Variants in LRRC49 observed in about 807,000 individuals in gnomAD.
The protein encoded by LRRC49 is leucine rich repeat containing 49, also known as leucine-rich repeat-containing protein 49.
LRRC49 carries 50 observed loss-of-function variants against 83.3 expected under a neutral mutation model. The observed-to-expected ratio is 0.60, with a 90% CI of 0.48 to 0.76. The LOEUF (loss-of-function observed/expected upper bound fraction) is 0.76, where lower values mean the gene tolerates loss of function less well. Among genes scored for constraint, LRRC49 ranks in the 30% least tolerant of loss-of-function variants. The pLI, the probability that LRRC49 is intolerant of heterozygous loss-of-function variation, is 0.00. For missense variants in LRRC49, 704 were observed against 809.1 expected (o/e 0.87, Z 1.58); for synonymous variants, 286 against 283.3 (o/e 1.01, Z -0.10).
At chr15:71,015,443 A>G (rs1232009257) in intron 14 of LRRC49, among the ~76,000 whole-genome samples, 1 of 152,168 alleles carries the variant, frequency 6.6e-6, no homozygotes, top group Non-Finnish European at 1.5e-5. Flanking sequence ...TGCAGTTCAC[A>G]ATAGGGTTTG....
intron 8 of LRRC49, among the ~76,000 whole-genome samples, chr15:70,939,977 C>T (rs1415449869): frequency 6.7e-6 from 1 of 150,194 alleles, no homozygotes; most frequent in African/African-American, 2.5e-5. Context: ...TGTGACTTTT[C>T]CTTCATCACT....
chr15:70,996,672 G>A (rs2038083604), intron 11 of LRRC49, among the ~76,000 whole-genome samples: 1 of 152,028 alleles, frequency 6.6e-6, no homozygotes, highest in Non-Finnish European at 1.5e-5. Flanking sequence ...TGCTTTATTG[G>A]TAGCTTTTGT....
At chr15:71,013,577 C>G (rs903177894) in intron 14 of LRRC49, among the ~76,000 whole-genome samples, 2 of 152,120 alleles carry the variant, frequency 1.3e-5, no homozygotes, top group African/African-American at 4.8e-5. Flanking sequence ...AGGGCCTGAG[C>G]CAGGGCAGCA....
chr15:70,898,181 T>A (rs1303177909), intron 3 of LRRC49, among the ~76,000 whole-genome samples: 1 of 152,212 alleles, frequency 6.6e-6, no homozygotes, highest in Non-Finnish European at 1.5e-5. Context: ...TCCAGCCATC[T>A]CTGTATCTAG....
chr15:71,012,990 A>T, intron 14 of LRRC49, 77 bp downstream of exon 14: 1 of 877,710 alleles, frequency 1.1e-6, no homozygotes, highest in Non-Finnish European at 1.8e-6. Context: ...ATACCTCCTA[A>T]CTATGCTAAT....
At chr15:70,901,125 C>G (rs2034058950) in intron 4 of LRRC49, 101 bp downstream of exon 4, 4 of 665,132 alleles carry the variant, frequency 6.0e-6, no homozygotes, top group Non-Finnish European at 7.6e-6. Context: ...TCCTGTTCCC[C>G]AGTTATTCAA....
chr15:71,029,372 C>T (rs1315278240), intron 14 of LRRC49, among the ~76,000 whole-genome samples: 3 of 152,094 alleles, frequency 2.0e-5, no homozygotes, highest in African/African-American at 7.2e-5. Flanking sequence ...AATTTGATTG[C>T]ACTGTGGTGT....
chr15:70,996,480 T>A (rs1459576171), intron 11 of LRRC49, among the ~76,000 whole-genome samples: 1 of 152,186 alleles, frequency 6.6e-6, no homozygotes, highest in African/African-American at 2.4e-5. Context: ...GATTTTCCTT[T>A]TATGTATGTG....
chr15:70,882,921 A>T (rs1164765093), intron 2 of LRRC49: 2 of 1,613,506 alleles, frequency 1.2e-6, no homozygotes, highest in African/African-American at 2.7e-5. Flanking sequence ...AAAAATACAA[A>T]TCAGAGGAGA....
At chr15:70,927,115 A>C (rs1272730854) in intron 7 of LRRC49, among the ~76,000 whole-genome samples, 1 of 152,180 alleles carries the variant, frequency 6.6e-6, no homozygotes, top group Non-Finnish European at 1.5e-5. Flanking sequence ...AGAAACTACC[A>C]GTTTTATGAA....
At chr15:70,938,831 C>T (rs571645975) in intron 8 of LRRC49, among the ~76,000 whole-genome samples, 2 of 152,072 alleles carry the variant, frequency 1.3e-5, no homozygotes, top group Admixed American at 6.6e-5. Flanking sequence ...ATGCAGCTGA[C>T]TTAAAAATAC....
At chr15:71,022,924 T>C (rs2039038405) in intron 14 of LRRC49, among the ~76,000 whole-genome samples, 1 of 152,138 alleles carries the variant, frequency 6.6e-6, no homozygotes, top group African/African-American at 2.4e-5. Context: ...TGTCAAGAGA[T>C]TGCAAAGAAT....
At position 70,858,946 on chromosome 15, in the gene LRRC49, T is replaced by A. The variant is rs1341494644; in HGVS notation, c.-299+5477T>A. 2.0e-5 allele frequency: 16 copies of A among 808,254 alleles called. No individual in the cohort carries two copies. The Admixed American group carries it at 2.2e-4, about 11-fold the overall frequency. 50.1% of individuals were successfully genotyped at this position (808,254 alleles called of 1,614,324 possible). On this transcript the variant is annotated intron_variant, in intron 1 of 16. Transcript: ENST00000544974. ...CAGAGCCTGCTGAGCCCTCTTAACCTGGAGGTGGACCCCAACATCCAGGCT... is the reference window on the plus strand; with the variant it reads ...CAGAGCCTGCTGAGCCCTCTTAACCAGGAGGTGGACCCCAACATCCAGGCT...
At chr15:70,987,694 C>A (rs1010230815) in intron 11 of LRRC49, among the ~76,000 whole-genome samples, 1 of 152,032 alleles carries the variant, frequency 6.6e-6, no homozygotes, top group African/African-American at 2.4e-5. Flanking sequence ...AATGTGTTTT[C>A]TCTTGCTTTT....
rs2039304309 is a variant in LRRC49, at chr15:71,030,128, AT to A, written c.1704-7047del. On this transcript the variant is annotated intron_variant, in intron 14 of 15. Transcript: ENST00000260382. ...TCTACATAGTATCTTTGGTCTTTAT[AT>A]TTTGGTATGTTTTTGCAGTGGCTGG... 2.6e-5 allele frequency among the ~76,000 whole-genome samples: 4 copies of A among 152,220 alleles called. No homozygotes were observed. The South Asian group carries it at 8.3e-4, about 32-fold the overall frequency.
intron 8 of LRRC49, among the ~76,000 whole-genome samples, chr15:70,944,280 C>T (rs532991426): frequency 1.3e-5 from 2 of 152,274 alleles, no homozygotes; most frequent in South Asian, 4.1e-4. Flanking sequence ...AACAAATCCT[C>T]TCTGAAGAGA....
intron 2 of LRRC49, among the ~76,000 whole-genome samples, chr15:70,886,187 GA>G (rs1366721124): frequency 6.6e-6 from 1 of 152,076 alleles, no homozygotes; most frequent in Non-Finnish European, 1.5e-5. Context: ...GTTAGGTGGG[GA>G]CTTATAATCT....
chr15:70,992,139 G>A (rs953010969), intron 11 of LRRC49, among the ~76,000 whole-genome samples: 12 of 152,246 alleles, frequency 7.9e-5, no homozygotes, highest in South Asian at 4.1e-4. Flanking sequence ...CATAGTTCCC[G>A]TGCCATGGTT....
At chr15:70,982,307 C>T (rs775510264) in intron 10 of LRRC49, among the ~76,000 whole-genome samples, 47 of 152,076 alleles carry the variant, frequency 3.1e-4, no homozygotes, top group Non-Finnish European at 5.9e-4. Flanking sequence ...AACTCACTGC[C>T]CTGGCCTCTT....
Sources: allele counts gnomAD v4.1 joint callset (sites outside exome capture counted in the v4.1 genomes callset), GRCh38; gene constraint gnomAD v4.1.1; transcripts MANE v1.5; gene names NCBI Gene and HGNC (gene_info 2026-07-23, HGNC 2026-07-21).